Variants in FLT1 observed in about 807,000 individuals in gnomAD.
FLT1 encodes fms related receptor tyrosine kinase 1, also known as vascular endothelial growth factor receptor 1.
A neutral mutation model predicts 156.3 loss-of-function variants in FLT1; 49 were observed. The ratio of observed to expected loss-of-function variants is 0.31; its 90% confidence interval spans 0.25 to 0.40. FLT1 has a LOEUF of 0.40. FLT1 is among the 10% of genes least tolerant of loss of function. The pLI is 1.00. For synonymous variants in FLT1, 594 were observed against 583.8 expected, an observed-to-expected ratio of 1.02 and a Z score of -0.25; for missense variants, 1,322 against 1,637.2, an observed-to-expected ratio of 0.81 and a Z score of 3.32.
chr13:28,407,341 G>A (rs1875872891), intron 10 of FLT1, among the ~76,000 whole-genome samples: 1 of 151,780 alleles, frequency 6.6e-6, no homozygotes, highest in Non-Finnish European at 1.5e-5. Flanking sequence ...CAGTTATCAA[G>A]ATTTTGTCAC....
In FLT1 at chr13:28,412,373, T is replaced by TTTCTTTCTTTCC. The variant is rs1566013076; in HGVS notation, c.1437-6480_1437-6479insGGAAAGAAAGAA. On this transcript the variant is annotated intron_variant, in intron 10 of 29. Transcript: ENST00000282397. ...TTCTCTTTCTTTCTTTCTTTCTTTC[T>TTTCTTTCTTTCC]TTCTTTCTTTCTTTCTTTCTTTCTT... Among the ~76,000 whole-genome samples, 3 of 126,386 alleles carry TTTCTTTCTTTCC rather than the reference T, an allele frequency of 2.4e-5. No homozygotes were observed. The East Asian group carries it at 6.8e-4, about 29-fold the overall frequency. The allele number at this position is 126,386 out of a possible 152,430, so 82.9% of individuals were successfully genotyped here.
chr13:28,434,528 G>C (rs1877912259), intron 4 of FLT1, among the ~76,000 whole-genome samples: 2 of 152,200 alleles, frequency 1.3e-5, no homozygotes, highest in African/African-American at 4.8e-5. Flanking sequence ...TTCAGTTGGA[G>C]CCCATAACTC....
intron 14 of FLT1, among the ~76,000 whole-genome samples, chr13:28,381,093 T>G (rs1874062256): frequency 6.6e-6 from 1 of 152,200 alleles, no homozygotes; most frequent in Non-Finnish European, 1.5e-5. Context: ...TCTAGTCTCA[T>G]AATGGTTCTA....
chr13:28,434,775 C>T (rs181312922), intron 4 of FLT1, among the ~76,000 whole-genome samples: 4 of 152,082 alleles, frequency 2.6e-5, no homozygotes, highest in Non-Finnish European at 4.4e-5. Context: ...CCCAGCCTCT[C>T]GGGAGGCTGA....
chr13:28,318,331 C>T (rs1479860489), intron 24 of FLT1, among the ~76,000 whole-genome samples: 1 of 152,064 alleles, frequency 6.6e-6, no homozygotes, highest in Non-Finnish European at 1.5e-5. Flanking sequence ...CTGCCCGTGG[C>T]CAGGAGTCTG....
In FLT1 at chr13:28,425,268, G is replaced by C. The variant is rs80228436; in HGVS notation, c.1436+1891C>G. Among the ~76,000 whole-genome samples, 888 of 152,254 alleles carry C rather than the reference G, an allele frequency of 5.8e-3. 14 individuals carry two copies. The highest frequency in any genetic ancestry group is 0.02 in the African/African-American group (846 of 41,526). On this transcript the variant is annotated intron_variant, in intron 10 of 29. Coordinates refer to ENST00000282397, the MANE Select transcript of FLT1 (RefSeq NM_002019.4). ...CATATGCAACCTTAAACTTCCATTT[G>C]TGATCAGTCTTGTAAGTAGTGAAAA... is the stretch of plus-strand genomic sequence containing the variant.
rs1299014313 is a variant in FLT1, at chr13:28,401,806, T to C, written c.1551+3974A>G. Among the ~76,000 whole-genome samples the C allele has an allele frequency of 5.9e-5, 9 of 152,322 alleles. No individual in the cohort carries two copies. The South Asian group carries it at 1.0e-3, about 18-fold the overall frequency. ...GTGGTTAGGATTCTTGCTCCTGTCA[T>C]GGATTTGTCTCATACAGGACACATT... On this transcript the variant is annotated intron_variant, in intron 11 of 29. Coordinates refer to ENST00000282397, the MANE Select transcript of FLT1 (RefSeq NM_002019.4).
At chr13:28,347,138 T>C (rs1166800318) in intron 15 of FLT1, among the ~76,000 whole-genome samples, 2 of 152,172 alleles carry the variant, frequency 1.3e-5, no homozygotes, top group African/African-American at 4.8e-5. Context: ...CTAATAATAC[T>C]TTTTTGAAGA....
chr13:28,353,223 C>A (rs901627396), intron 15 of FLT1, among the ~76,000 whole-genome samples: 2 of 152,168 alleles, frequency 1.3e-5, no homozygotes, highest in Admixed American at 1.3e-4. Flanking sequence ...AAGTTGTCTT[C>A]TCCTATGTAC....
intron 4 of FLT1, among the ~76,000 whole-genome samples, chr13:28,434,523 T>C (rs767488243): frequency 2.6e-5 from 4 of 152,346 alleles, no homozygotes; most frequent in South Asian, 2.1e-4. Context: ...AGACTTTCAG[T>C]TGGAGCCCAT....
At chr13:28,409,436 C>T (rs968649071) in intron 10 of FLT1, among the ~76,000 whole-genome samples, 1 of 151,474 alleles carries the variant, frequency 6.6e-6, no homozygotes, top group East Asian at 1.9e-4. Flanking sequence ...CTGGGCTCAA[C>T]TGACCCTCCA....
chr13:28,467,207 T>C (rs1160857208), intron 2 of FLT1, 78 bp from the exon 3 acceptor site: 6 of 1,106,966 alleles, frequency 5.4e-6, no homozygotes, highest in African/African-American at 1.5e-5. Context: ...GCATTCATTT[T>C]ATTAGGAAGC....
At chr13:28,316,250 G>T (rs115115498) in intron 25 of FLT1, among the ~76,000 whole-genome samples, 2 of 152,188 alleles carry the variant, frequency 1.3e-5, no homozygotes, top group Non-Finnish European at 2.9e-5. Flanking sequence ...CCCTTACCCC[G>T]AGATGATGAA....
rs1879886821 is a variant in FLT1 at position 28,467,024 on chromosome 13, G to A, written c.267C>T (p.Cys89=). The A allele has an allele frequency of 6.2e-7, 1 of 1,613,854 alleles. No homozygotes were observed. The highest frequency in any genetic ancestry group is 1.3e-5 in the African/African-American group (1 of 74,918). Residue 89 remains cysteine (C), a synonymous_variant, in exon 3 of 30, where the codon TGC becomes TGT. Coordinates refer to ENST00000282397, the MANE Select transcript of FLT1 (RefSeq NM_002019.4). ...SACGRNGKQF[C]STLTLNTAQA... ...GAGCTGTGTTCAAGGTTAAAGTACT[G>A]CAGAATTGTTTGCCATTTCTTCCAC...
rs1233326970 is a variant in FLT1, at chr13:28,439,595, A to T, written c.389-1250T>A. 6.6e-6 allele frequency among the ~76,000 whole-genome samples: 1 copy of T among 152,232 alleles called. No individual in the cohort carries two copies. Among genetic ancestry groups the T allele is most frequent in the African/African-American group, 2.4e-5 (1 of 41,458 alleles). ...CCTCATTTGAAAACAGGATTGTTGC[A>T]AATGTAATTGCTTAAGCTAAGTAAG... On this transcript the variant is annotated intron_variant, in intron 3 of 29. Coordinates refer to ENST00000282397, the MANE Select transcript of FLT1 (RefSeq NM_002019.4). The surrounding 1 kb of genome is among the most constrained non-coding windows in gnomAD (Gnocchi z 4.1).
chr13:28,474,086 ACCTTGATCT>A (rs1880404712), intron 1 of FLT1, among the ~76,000 whole-genome samples: 1 of 152,170 alleles, frequency 6.6e-6, no homozygotes, highest in African/African-American at 2.4e-5. Context: ...ACCTGCCAGC[ACCTTGATCT>A]CCTTGATCTC....
At chr13:28,463,551 T>G (rs929247346) in intron 3 of FLT1, among the ~76,000 whole-genome samples, 3 of 152,224 alleles carry the variant, frequency 2.0e-5, no homozygotes, top group South Asian at 2.1e-4. Flanking sequence ...CTGCAGATGC[T>G]TATTGGGGCT....
At chr13:28,303,493 C>A (rs1870601877) in intron 29 of FLT1, 125 bp from the exon 30 acceptor site, 1 of 321,396 alleles carries the variant, frequency 3.1e-6, no homozygotes, top group South Asian at 3.0e-5. Flanking sequence ...GGTTTTGGAA[C>A]CCCCCCCCCC....
chr13:28,305,809 G>T (rs1870718939), intron 29 of FLT1, among the ~76,000 whole-genome samples: 2 of 152,182 alleles, frequency 1.3e-5, no homozygotes, highest in African/African-American at 4.8e-5. Context: ...GCGATTGTCA[G>T]TGTCCGTGTA....
Sources: allele counts gnomAD v4.1 joint callset (sites outside exome capture counted in the v4.1 genomes callset), GRCh38; gene constraint gnomAD v4.1.1; non-coding constraint Gnocchi (gnomAD v3.1); transcripts MANE v1.5; gene names NCBI Gene and HGNC (gene_info 2026-07-23, HGNC 2026-07-21).